BCAS1: variants seen among roughly 807,000 people sequenced by gnomAD.
BCAS1 encodes brain enriched myelin associated protein 1.
BCAS1 carries 46 observed loss-of-function variants against 65.4 expected under a neutral mutation model. The ratio of observed to expected loss-of-function variants is 0.70; its 90% CI spans 0.55 to 0.90. The LOEUF is 0.90. Among genes scored for constraint, BCAS1 ranks in the 40% least tolerant of loss-of-function variants. The probability of loss-of-function intolerance (pLI) is 0.00; values close to 1 mark genes in which losing one functional copy is unlikely to be tolerated. For missense variants in BCAS1, 793 were observed against 771.2 expected (o/e 1.03, Z -0.33); for synonymous variants, 298 against 293.5 (o/e 1.02, Z -0.16).
chr20:54,009,614 G>A (rs909834321), intron 4 of BCAS1, among the ~76,000 whole-genome samples: 1 of 152,118 alleles, frequency 6.6e-6, no homozygotes, highest in African/African-American at 2.4e-5. Context: ...AGGCCCAGAA[G>A]ACTTCACTGG....
intron 7 of BCAS1, 26 bp from the exon 8 acceptor site, chr20:53,985,525 A>AAAACATTC (rs2090595139): frequency 6.2e-7 from 1 of 1,602,924 alleles, no homozygotes; most frequent in Non-Finnish European, 8.5e-7. Flanking sequence ...AAATGGAGGG[A>AAAACATTC]AAACATTCAA....
chr20:53,982,053 TAAC>T (rs995410373), intron 8 of BCAS1, among the ~76,000 whole-genome samples: 6 of 152,222 alleles, frequency 3.9e-5, no homozygotes, highest in African/African-American at 1.4e-4. Context: ...TGGTTTCTTA[TAAC>T]AACACTGTGA....
At chr20:54,069,283 G>A (rs547692515) in intron 1 of BCAS1, among the ~76,000 whole-genome samples, 1 of 152,268 alleles carries the variant, frequency 6.6e-6, no homozygotes, top group South Asian at 2.1e-4. Context: ...CTCAGCCATG[G>A]AGATGAATAG....
chr20:54,008,157 A>G (rs943545460), intron 4 of BCAS1, among the ~76,000 whole-genome samples: 3 of 152,220 alleles, frequency 2.0e-5, no homozygotes, highest in Admixed American at 6.5e-5. Context: ...ACCATCTCCC[A>G]TGCCAGAGAA....
chr20:53,944,956 G>A lies in BCAS1; in HGVS notation c.1856C>T (p.Pro619Leu). 1 of 1,614,084 alleles carries A rather than the reference G, an allele frequency of 6.2e-7. No homozygotes were observed. Among genetic ancestry groups the A allele is most frequent in the Non-Finnish European group, 8.5e-7 (1 of 1,180,014 alleles). ...TTTGCCAACTGGTCCGATGGATACT[G>A]GGTCTGTTTGCACTTGAGCATCCAA... The part of the protein sequence containing the change: ...RMLDAQVQTD[P>L]VSIGPVGKSK Residue 619 changes from proline to leucine, a missense_variant, in exon 13 of 13, where the codon CCA becomes CTA. Transcript: ENST00000688948.
At chr20:54,038,234 G>C (rs532359775) in intron 3 of BCAS1, among the ~76,000 whole-genome samples, 1 of 151,394 alleles carries the variant, frequency 6.6e-6, no homozygotes, top group South Asian at 2.1e-4. Flanking sequence ...TCAAGACTTA[G>C]GTTATGTCAG....
At chr20:54,000,324 G>A (rs375442205) in intron 4 of BCAS1, among the ~76,000 whole-genome samples, 9 of 151,854 alleles carry the variant, frequency 5.9e-5, no homozygotes, top group African/African-American at 2.2e-4. Context: ...GCTCTCAGTG[G>A]CAAGACTGAG....
chr20:54,021,001 TA>T lies in BCAS1; in HGVS notation c.723+7390del, dbSNP rs1323952733. Among the ~76,000 whole-genome samples the T allele has an allele frequency of 1.3e-5, 2 of 152,260 alleles. 1 individual carries two copies. The highest frequency in any genetic ancestry group is 3.8e-4 in the East Asian group (2 of 5,202). Reference sequence around the variant, plus strand: ...ACTCAGATGAATTACCATAGGTGGATACTGTAGCAGCTTCTACTTGCTCCAT... The same window carrying T: ...ACTCAGATGAATTACCATAGGTGGATCTGTAGCAGCTTCTACTTGCTCCAT... On this transcript the variant is annotated intron_variant, in intron 4 of 12. Transcript: ENST00000688948.
chr20:54,058,352 T>A (rs2092328936), intron 2 of BCAS1, among the ~76,000 whole-genome samples, 198 bp from the exon 3 acceptor site: 1 of 152,132 alleles, frequency 6.6e-6, no homozygotes, highest in African/African-American at 2.4e-5. Flanking sequence ...CTCCAGTTAT[T>A]ATGAGAGCAC....
chr20:53,985,116 A>G (rs1307990287), intron 8 of BCAS1, among the ~76,000 whole-genome samples, 171 bp downstream of exon 8: 2 of 152,116 alleles, frequency 1.3e-5, no homozygotes, highest in South Asian at 2.1e-4. Flanking sequence ...CAGGCGTTTC[A>G]TTTTTCCTAG....
chr20:54,004,038 C>T (rs915623555), intron 4 of BCAS1, among the ~76,000 whole-genome samples: 4 of 152,164 alleles, frequency 2.6e-5, no homozygotes, highest in Non-Finnish European at 4.4e-5. Flanking sequence ...CACAGTTATT[C>T]TTTTAATGTG....
At chr20:53,992,862 T>C (rs532592548) in intron 6 of BCAS1, among the ~76,000 whole-genome samples, 1 of 152,278 alleles carries the variant, frequency 6.6e-6, no homozygotes, top group East Asian at 1.9e-4. Flanking sequence ...GTGACCTATT[T>C]AAATGACCCA....
At chr20:54,021,103 G>T (rs894846195) in intron 4 of BCAS1, among the ~76,000 whole-genome samples, 1 of 152,162 alleles carries the variant, frequency 6.6e-6, no homozygotes, top group Non-Finnish European at 1.5e-5. Context: ...CCTCTTTGCT[G>T]GAAGAGCCTT....
chr20:54,048,943 G>A (rs1026238226), intron 3 of BCAS1, among the ~76,000 whole-genome samples: 1 of 152,202 alleles, frequency 6.6e-6, no homozygotes, highest in Non-Finnish European at 1.5e-5. Flanking sequence ...TTTTACTTGA[G>A]TTTGGAAACA....
At chr20:53,990,286 A>G (rs1349499621) in intron 7 of BCAS1, among the ~76,000 whole-genome samples, 1 of 152,222 alleles carries the variant, frequency 6.6e-6, no homozygotes, top group African/African-American at 2.4e-5. Context: ...TTTTGTGTCT[A>G]AAGTTGTCAC....
At chr20:53,999,137 G>A (rs2090994736) in intron 4 of BCAS1, among the ~76,000 whole-genome samples, 1 of 152,078 alleles carries the variant, frequency 6.6e-6, no homozygotes, top group Admixed American at 6.6e-5. Context: ...TCCAGGTGGT[G>A]GAAAACCAAG....
At chr20:53,968,309 T>G (rs986846533) in intron 9 of BCAS1, among the ~76,000 whole-genome samples, 1 of 152,196 alleles carries the variant, frequency 6.6e-6, no homozygotes, top group Non-Finnish European at 1.5e-5. Flanking sequence ...GAAAGTACCA[T>G]AGAGTCAAAG....
At chr20:53,961,157 C>T (rs1191905874) in intron 10 of BCAS1, among the ~76,000 whole-genome samples, 1 of 152,164 alleles carries the variant, frequency 6.6e-6, no homozygotes, top group African/African-American at 2.4e-5. Flanking sequence ...ATGTTTGAAC[C>T]ATCTCCAATG....
At chr20:54,021,129 A>G (rs1197316390) in intron 4 of BCAS1, among the ~76,000 whole-genome samples, 2 of 152,258 alleles carry the variant, frequency 1.3e-5, no homozygotes, top group East Asian at 3.9e-4. Flanking sequence ...TACTGAAGAA[A>G]CTGAAAATGC....
Sources: allele counts gnomAD v4.1 joint callset (sites outside exome capture counted in the v4.1 genomes callset), GRCh38; gene constraint gnomAD v4.1.1; transcripts MANE v1.5; gene names NCBI Gene and HGNC (gene_info 2026-07-23, HGNC 2026-07-21).